The following SDK1 variants were observed in gnomAD, a reference collection of about 807,000 sequenced individuals.
SDK1 encodes the protein sidekick cell adhesion molecule 1.
A neutral mutation model predicts 245.5 loss-of-function variants in SDK1; 157 were observed. The observed-to-expected ratio is 0.64, with a 90% CI of 0.56 to 0.73. SDK1 has a LOEUF of 0.73. Ranked by LOEUF, SDK1 falls within the 30% of genes least tolerant of loss-of-function variation. SDK1 has a pLI of 0.00. For missense variants in SDK1, 3,583 were observed against 3,002.3 expected, an observed-to-expected ratio of 1.19 and a Z score of -4.52; for synonymous variants, 1,647 against 1,278.5, an observed-to-expected ratio of 1.29 and a Z score of -6.15.
intron 4 of SDK1, among the ~76,000 whole-genome samples, chr7:3,790,562 C>G (rs1258021465): frequency 6.6e-6 from 1 of 152,190 alleles, no homozygotes; most frequent in East Asian, 1.9e-4. Flanking sequence ...AATCCCAGCA[C>G]TTTGGGAGGC....
chr7:4,160,977 A>C (rs546110017), intron 31 of SDK1, among the ~76,000 whole-genome samples: 6 of 152,322 alleles, frequency 3.9e-5, no homozygotes, highest in African/African-American at 1.4e-4. Context: ...CTGTGGGAAG[A>C]ACATCGTCAT....
At chr7:3,643,277 G>T (rs1782710372) in intron 4 of SDK1, 1 of 142,372 alleles carries the variant, frequency 7.0e-6, no homozygotes, top group Non-Finnish European at 1.5e-5. Flanking sequence ...GAACATCTGT[G>T]GAATCCTTTC....
At chr7:3,943,414 C>A (rs1780448811) in intron 5 of SDK1, among the ~76,000 whole-genome samples, 1 of 145,636 alleles carries the variant, frequency 6.9e-6, no homozygotes, top group Non-Finnish European at 1.5e-5. Context: ...TCCGTCCTCC[C>A]CATTTGTGCT....
rs116870451 is a variant in SDK1, at chr7:3,399,443, A to G, written c.298+97559A>G. On this transcript the variant is annotated intron_variant, in intron 1 of 44. Coordinates refer to ENST00000404826, the MANE Select transcript of SDK1 (RefSeq NM_152744.4). ...CTAGGCTTCATCAGGGACAGCTTCT[A>G]TTGACTCCTTTTCCTGTGTATGGTC... 7.3e-3 allele frequency among the ~76,000 whole-genome samples: 1,118 copies of G among 152,166 alleles called. 3 individuals carry two copies. The highest frequency in any genetic ancestry group is 0.012 in the Non-Finnish European group (829 of 67,998).
At chr7:3,473,796 G>GATGAACATGAGCTGA (rs1781256034) in intron 1 of SDK1, among the ~76,000 whole-genome samples, 1 of 152,100 alleles carries the variant, frequency 6.6e-6, no homozygotes, top group Admixed American at 6.6e-5. Flanking sequence ...CAGGGAGTGT[G>GATGAACATGAGCTGA]ATGAACATGA....
intron 22 of SDK1, among the ~76,000 whole-genome samples, chr7:4,098,602 T>G (rs1040494255): frequency 6.6e-6 from 1 of 152,074 alleles, no homozygotes; most frequent in African/African-American, 2.4e-5. Flanking sequence ...AGTTTCTCCC[T>G]CCGAGAATTC....
intron 35 of SDK1, among the ~76,000 whole-genome samples, chr7:4,204,784 C>T (rs1784100691): frequency 6.6e-6 from 1 of 152,182 alleles, no homozygotes; most frequent in African/African-American, 2.4e-5. Flanking sequence ...CTCCCCAGGG[C>T]CCAGCTCATG....
At chr7:3,432,028 A>G (rs1007568873) in intron 1 of SDK1, among the ~76,000 whole-genome samples, 15 of 151,722 alleles carry the variant, frequency 9.9e-5, no homozygotes, top group Non-Finnish European at 1.9e-4. Flanking sequence ...TGAGACTAAC[A>G]TGACTTTTTG....
intron 1 of SDK1, among the ~76,000 whole-genome samples, chr7:3,563,719 C>A (rs190247677): frequency 5.3e-5 from 8 of 152,130 alleles, no homozygotes; most frequent in African/African-American, 1.9e-4. Flanking sequence ...TAGGAATACA[C>A]CTAAAACTGC....
At chr7:4,098,661 G>T (rs1782323064) in intron 22 of SDK1, among the ~76,000 whole-genome samples, 1 of 151,444 alleles carries the variant, frequency 6.6e-6, no homozygotes, top group African/African-American at 2.4e-5. Flanking sequence ...AATGTACTCG[G>T]TTTTTTCTTT....
intron 4 of SDK1, among the ~76,000 whole-genome samples, chr7:3,752,642 A>G (rs902353730): frequency 6.6e-6 from 1 of 152,194 alleles, no homozygotes; most frequent in East Asian, 1.9e-4. Flanking sequence ...GTCATCTGAT[A>G]CTGGATAGTA....
At chr7:3,627,699 C>G (rs1782162617) in intron 2 of SDK1, among the ~76,000 whole-genome samples, 1 of 152,150 alleles carries the variant, frequency 6.6e-6, no homozygotes, top group Non-Finnish European at 1.5e-5. Context: ...TAGCCTCAGT[C>G]CTTGCCAACA....
chr7:3,403,838 T>TATATA (rs1778959688), intron 1 of SDK1, among the ~76,000 whole-genome samples: 1 of 57,036 alleles, frequency 1.8e-5, no homozygotes, highest in South Asian at 6.2e-4. Context: ...TATATATATA[T>TATATA]ATATATATAT....
intron 25 of SDK1, among the ~76,000 whole-genome samples, chr7:4,114,608 G>A (rs555763156): frequency 4.0e-4 from 61 of 152,182 alleles, no homozygotes; most frequent in Non-Finnish European, 6.3e-4. Context: ...AAGGTATTCA[G>A]GACCTTCTTG....
intron 4 of SDK1, among the ~76,000 whole-genome samples, chr7:3,665,425 T>A (rs1864842): frequency 0.62 from 94,554 of 151,674 alleles, 29,853 homozygotes; most frequent in South Asian, 0.77. Context: ...TGCTGCCTTA[T>A]ATCACATTTT....
intron 32 of SDK1, among the ~76,000 whole-genome samples, chr7:4,167,913 G>A (rs910100324): frequency 2.0e-5 from 3 of 152,224 alleles, no homozygotes; most frequent in Non-Finnish European, 2.9e-5. Flanking sequence ...GCAAGGCCAC[G>A]ACCCAAATCT....
chr7:3,895,730 C>T (rs1781587743), intron 5 of SDK1, among the ~76,000 whole-genome samples: 1 of 152,210 alleles, frequency 6.6e-6, no homozygotes, highest in Non-Finnish European at 1.5e-5. Context: ...TTGATGCCAT[C>T]AGTATCCCCA....
intron 4 of SDK1, among the ~76,000 whole-genome samples, chr7:3,776,182 G>T (rs1163597431): frequency 6.6e-6 from 1 of 152,246 alleles, no homozygotes; most frequent in African/African-American, 2.4e-5. Context: ...ATGAACGAAT[G>T]AGTAGCATTT....
chr7:4,153,741 G>A (rs534141217), intron 30 of SDK1, among the ~76,000 whole-genome samples: 24 of 152,242 alleles, frequency 1.6e-4, no homozygotes, highest in Admixed American at 1.4e-3. Flanking sequence ...CAGTAGCTCC[G>A]TCATCGTTCA....
Sources: gnomAD v4.1 joint callset for allele counts (sites outside exome capture counted in the v4.1 genomes callset) on GRCh38, gnomAD v4.1.1 for gene constraint, MANE v1.5 for transcripts, NCBI Gene and HGNC (gene_info 2026-07-23, HGNC 2026-07-21) for gene names.